The following AUTS2 variants were observed in gnomAD, a reference collection of about 807,000 sequenced individuals.
AUTS2 encodes the protein autism susceptibility gene 2 protein.
Under a neutral mutation model 112.4 loss-of-function variants are expected in AUTS2, and 17 were observed. The ratio of observed to expected loss-of-function variants is 0.15; its 90% confidence interval spans 0.10 to 0.23. AUTS2 has a LOEUF of 0.23. Ranked by LOEUF, AUTS2 falls within the 10% of genes least tolerant of loss-of-function variation. AUTS2 has a pLI of 1.00. For synonymous variants in AUTS2, 751 were observed against 702.7 expected (o/e 1.07, Z -1.09); for missense variants, 1,510 against 1,701.6 (o/e 0.89, Z 1.98).
At chr7:70,747,019 G>A (rs988605925) in intron 6 of AUTS2, among the ~76,000 whole-genome samples, 2 of 152,158 alleles carry the variant, frequency 1.3e-5, no homozygotes, top group African/African-American at 4.8e-5. Flanking sequence ...TTAGATGATG[G>A]GGACAGGACA....
chr7:70,509,093 T>C (rs1799083067), intron 5 of AUTS2, among the ~76,000 whole-genome samples: 1 of 152,226 alleles, frequency 6.6e-6, no homozygotes. Context: ...CAGAAAGGAA[T>C]TTTCCCACAA....
At chr7:70,699,033 A>T (rs1809297250) in intron 6 of AUTS2, 1 of 155,382 alleles carries the variant, frequency 6.4e-6, no homozygotes, top group Non-Finnish European at 1.4e-5. Context: ...TATGGTCATA[A>T]ACCAAGCCTT....
chr7:70,674,036 T>C (rs1206542004), intron 5 of AUTS2, among the ~76,000 whole-genome samples: 1 of 152,182 alleles, frequency 6.6e-6, no homozygotes, highest in Non-Finnish European at 1.5e-5. Context: ...GATCTGAACC[T>C]GGTCTGCCTC....
chr7:69,979,030 T>G (rs941874738), intron 2 of AUTS2, among the ~76,000 whole-genome samples: 1 of 152,152 alleles, frequency 6.6e-6, no homozygotes, highest in Non-Finnish European at 1.5e-5. Context: ...AATTTGAAAT[T>G]TATTTAAAAA....
chr7:70,667,206 C>A (rs990387673), intron 5 of AUTS2, among the ~76,000 whole-genome samples: 2 of 152,136 alleles, frequency 1.3e-5, no homozygotes, highest in African/African-American at 4.8e-5. Flanking sequence ...TGCACCAGGG[C>A]TTCGTAATTA....
At chr7:70,180,034 CTT>C in intron 4 of AUTS2, among the ~76,000 whole-genome samples, 1 of 152,140 alleles carries the variant, frequency 6.6e-6, no homozygotes. Flanking sequence ...ACAAAGAAGA[CTT>C]TCTTTGCTTC....
chr7:69,956,302 C>T (rs1442935673), intron 2 of AUTS2, among the ~76,000 whole-genome samples: 1 of 152,162 alleles, frequency 6.6e-6, no homozygotes, highest in East Asian at 1.9e-4. Context: ...AGTATACATA[C>T]ATATGCACAT....
intron 2 of AUTS2, among the ~76,000 whole-genome samples, chr7:69,927,490 G>C (rs1055495945): frequency 6.6e-6 from 1 of 152,016 alleles, no homozygotes. Flanking sequence ...GATCCTTAGG[G>C]TGTCACTTCG....
intron 14 of AUTS2, among the ~76,000 whole-genome samples, chr7:70,781,252 T>C (rs542036799): frequency 6.6e-6 from 1 of 151,560 alleles, no homozygotes; most frequent in Non-Finnish European, 1.5e-5. Flanking sequence ...TCCCAGCTAC[T>C]TGGGAGGCTG....
At chr7:70,479,875 T>C (rs1390555202) in intron 5 of AUTS2, among the ~76,000 whole-genome samples, 1 of 151,846 alleles carries the variant, frequency 6.6e-6, no homozygotes, top group South Asian at 2.1e-4. Context: ...GGTGTGAGAG[T>C]GTGAAAGGTA....
intron 1 of AUTS2, among the ~76,000 whole-genome samples, chr7:69,665,916 G>T (rs567593993): frequency 1.3e-5 from 2 of 152,216 alleles, no homozygotes; most frequent in East Asian, 3.9e-4. Context: ...TTAGAAATGC[G>T]CATACCTGGA....
intron 6 of AUTS2, among the ~76,000 whole-genome samples, chr7:70,749,363 G>A (rs1012355968): frequency 4.6e-5 from 7 of 152,112 alleles, no homozygotes; most frequent in Admixed American, 4.6e-4. Context: ...GGCACGGGGA[G>A]GGGGGTCCGC....
chr7:69,811,136 C>T (rs753307876), intron 1 of AUTS2, among the ~76,000 whole-genome samples: 1 of 152,114 alleles, frequency 6.6e-6, no homozygotes, highest in Non-Finnish European at 1.5e-5. Context: ...ACTCTACCTG[C>T]CGTTGACTGG....
chr7:70,623,211 T>C (rs1804766768), intron 5 of AUTS2, among the ~76,000 whole-genome samples: 1 of 152,208 alleles, frequency 6.6e-6, no homozygotes, highest in Non-Finnish European at 1.5e-5. Flanking sequence ...CAAAATGTAC[T>C]TGGTCAATAC....
At chr7:70,133,325 C>T (rs1396027248) in intron 3 of AUTS2, among the ~76,000 whole-genome samples, 1 of 152,132 alleles carries the variant, frequency 6.6e-6, no homozygotes, top group African/African-American at 2.4e-5. Context: ...TCAAATTCTC[C>T]TGAGCCATTT....
intron 5 of AUTS2, among the ~76,000 whole-genome samples, chr7:70,603,265 G>A (rs1007739259): frequency 1.3e-5 from 2 of 152,062 alleles, no homozygotes; most frequent in African/African-American, 4.8e-5. Flanking sequence ...TGATCTGCAA[G>A]TTTCTCAGGA....
intron 2 of AUTS2, among the ~76,000 whole-genome samples, chr7:70,004,273 AT>A (rs1799415277): frequency 7.8e-6 from 1 of 128,340 alleles, no homozygotes; most frequent in African/African-American, 2.7e-5. Context: ...TATTATATAT[AT>A]GAATGTGTTA....
chr7:69,872,834 CTTTTTTT>C lies in AUTS2; in HGVS notation c.310-26432_310-26426del, dbSNP rs1164356683. Among the ~76,000 whole-genome samples the C allele has an allele frequency of 1.3e-4, 9 of 70,422 alleles. No homozygotes were observed. In the South Asian group the frequency reaches 3.1e-3, roughly 24 times the overall value. 46.2% of individuals were successfully genotyped at this position (70,422 alleles called of 152,430 possible). On this transcript the variant is annotated intron_variant, in intron 1 of 18. Coordinates refer to ENST00000342771, the MANE Select transcript of AUTS2 (RefSeq NM_015570.4). ...GGTGGCACTTGATGTAGCCTATATT[CTTTTTTT>C]TTTTTTTTTTTTTTTTTTTGAGACA...
chr7:69,713,048 A>G (rs935391219), intron 1 of AUTS2, among the ~76,000 whole-genome samples: 3 of 152,136 alleles, frequency 2.0e-5, no homozygotes, highest in African/African-American at 7.2e-5. Context: ...TCTTTTGCCC[A>G]TGAAAAAAAC....
Sources: allele counts gnomAD v4.1 joint callset (sites outside exome capture counted in the v4.1 genomes callset), GRCh38; gene constraint gnomAD v4.1.1; transcripts MANE v1.5; gene names NCBI Gene and HGNC (gene_info 2026-07-23, HGNC 2026-07-21).